The following TP63 variants were observed in gnomAD, a reference collection of about 807,000 sequenced individuals.
TP63 encodes tumor protein p63, also known as tumor protein 63.
In TP63, 17 loss-of-function variants were observed where a neutral mutation model predicts 82.8. The ratio of observed to expected loss-of-function variants is 0.21; its 90% CI spans 0.14 to 0.31. The LOEUF (loss-of-function observed/expected upper bound fraction) is 0.31, where lower values mean the gene tolerates loss of function less well. Among genes scored for constraint, TP63 ranks in the 10% least tolerant of loss-of-function variants. TP63 has a pLI of 1.00. For synonymous variants in TP63, 330 were observed against 321.7 expected (o/e 1.03, Z -0.28); for missense variants, 648 against 895.3 (o/e 0.72, Z 3.52).
At chr3:189,722,876 A>G (rs1719498497) in intron 1 of TP63, among the ~76,000 whole-genome samples, 2 of 152,252 alleles carry the variant, frequency 1.3e-5, no homozygotes, top group African/African-American at 4.8e-5. Flanking sequence ...ATTTGAGGAC[A>G]GATATTTAGA....
In TP63 at chr3:189,725,517, T is replaced by C. The variant is rs116453185; in HGVS notation, c.63-12223T>C. Among the ~76,000 whole-genome samples the C allele has an allele frequency of 4.2e-3, 634 of 152,336 alleles. 3 individuals carry two copies. The highest frequency in any genetic ancestry group is 0.015 in the African/African-American group (617 of 41,578). On this transcript the variant is annotated intron_variant, in intron 1 of 13. Coordinates refer to ENST00000264731, the MANE Select transcript of TP63 (RefSeq NM_003722.5). ...TATCCCGTTGTGATAAAGTACATTT[T>C]AAAGACTCTGATTTAAGCTATTTTA... is the stretch of plus-strand genomic sequence containing the variant.
In TP63 at chr3:189,895,330, C is replaced by T. The variant is rs1054426135; in HGVS notation, c.*828C>T. ...GCCCATAGCAGCCAGTTCAAAAACA[C>T]CCGACGTCATGTATTTGAGCATATC... On this transcript the variant is annotated 3_prime_UTR_variant, in exon 14 of 14. Coordinates refer to ENST00000264731, the MANE Select transcript of TP63 (RefSeq NM_003722.5). 1.4e-5 allele frequency: 3 copies of T among 219,250 alleles called. No homozygotes were observed. The highest frequency in any genetic ancestry group is 6.7e-5 in the African/African-American group (3 of 44,554). 13.6% of individuals were successfully genotyped at this position (219,250 alleles called of 1,614,324 possible).
At chr3:189,756,091 A>G (rs182104874) in intron 3 of TP63, among the ~76,000 whole-genome samples, 1 of 152,180 alleles carries the variant, frequency 6.6e-6, no homozygotes, top group African/African-American at 2.4e-5. Flanking sequence ...AATCTTGAAC[A>G]TGGGAATGGA....
intron 4 of TP63, among the ~76,000 whole-genome samples, chr3:189,845,439 GTT>G (rs1362602437): frequency 6.6e-6 from 1 of 152,004 alleles, no homozygotes; most frequent in Non-Finnish European, 1.5e-5. Context: ...AAAACAAATT[GTT>G]TTGTTATATG....
intron 3 of TP63, among the ~76,000 whole-genome samples, chr3:189,761,351 A>G (rs1337081735): frequency 6.9e-6 from 1 of 143,896 alleles, no homozygotes; most frequent in African/African-American, 2.5e-5. Flanking sequence ...CTGATTAGAA[A>G]TTTCTTCCAC....
the TP63 span, among the ~76,000 whole-genome samples, chr3:189,611,911 T>G: frequency 6.6e-6 from 1 of 152,212 alleles, no homozygotes; most frequent in African/African-American, 2.4e-5. Flanking sequence ...ATTGCCTTTC[T>G]GATCTGGCTC....
intron 6 of TP63, among the ~76,000 whole-genome samples, chr3:189,867,580 G>A (rs985509309): frequency 6.6e-6 from 1 of 152,078 alleles, no homozygotes; most frequent in Non-Finnish European, 1.5e-5. Flanking sequence ...GCTTACAAAC[G>A]AACAGGATCA....
intron 1 of TP63, among the ~76,000 whole-genome samples, chr3:189,654,083 C>G (rs1005673924): frequency 2.6e-5 from 4 of 152,070 alleles, no homozygotes; most frequent in Non-Finnish European, 5.9e-5. Flanking sequence ...TACCTAGTCT[C>G]CCATTTATTT....
chr3:189,710,971 A>G (rs1180287127), intron 1 of TP63, among the ~76,000 whole-genome samples: 1 of 152,220 alleles, frequency 6.6e-6, no homozygotes, highest in Non-Finnish European at 1.5e-5. Context: ...TCTCTTCTCC[A>G]AAAACTATAA....
intron 4 of TP63, among the ~76,000 whole-genome samples, chr3:189,821,626 T>C (rs1389215484): frequency 6.6e-6 from 1 of 152,262 alleles, no homozygotes; most frequent in Non-Finnish European, 1.5e-5. Flanking sequence ...ACAGATTTTC[T>C]GTTTCTAATG....
intron 1 of TP63, among the ~76,000 whole-genome samples, chr3:189,668,030 C>T (rs756826820): frequency 1.3e-4 from 19 of 151,960 alleles, no homozygotes; most frequent in Admixed American, 1.2e-3. Context: ...CTTATTAAAG[C>T]GTAAAACTCA....
chr3:189,781,575 C>G (rs540600742), intron 3 of TP63, among the ~76,000 whole-genome samples: 1 of 150,706 alleles, frequency 6.6e-6, no homozygotes, highest in African/African-American at 2.5e-5. Flanking sequence ...AAAGTAAATA[C>G]ACCTCCTTTC....
intron 4 of TP63, among the ~76,000 whole-genome samples, chr3:189,819,203 G>A (rs973807262): frequency 1.3e-5 from 2 of 152,140 alleles, no homozygotes; most frequent in African/African-American, 2.4e-5. Context: ...ACTAAGACAC[G>A]TAAGATAGTA....
chr3:189,621,845 A>T, the TP63 span, among the ~76,000 whole-genome samples: 1 of 152,210 alleles, frequency 6.6e-6, no homozygotes, highest in East Asian at 1.9e-4. Context: ...ATTCAGATGG[A>T]TTAAATAAAT....
chr3:189,608,236 G>T, the TP63 span, among the ~76,000 whole-genome samples: 2 of 152,078 alleles, frequency 1.3e-5, no homozygotes, highest in African/African-American at 2.4e-5. Context: ...TTGGGGAGGG[G>T]TATTTATTTA....
Position 189,853,201 on chromosome 3 carries a change from G to T in TP63, c.580-11031G>T, listed in dbSNP as rs142892338. On this transcript the variant is annotated intron_variant, in intron 4 of 13. Transcript: ENST00000264731. ...GACTGGTCTTCCTGCTTCCGTCTTT[G>T]TTCCACAAAGTCTGTCCTTCACATA... Among the ~76,000 whole-genome samples the T allele has an allele frequency of 1.3e-3, 194 of 152,248 alleles. 4 individuals are homozygous for T. In the East Asian group the frequency reaches 0.032, roughly 25 times the overall value.
intron 3 of TP63, among the ~76,000 whole-genome samples, chr3:189,787,812 C>A (rs1724733945): frequency 6.6e-6 from 1 of 152,034 alleles, no homozygotes; most frequent in Admixed American, 6.6e-5. Flanking sequence ...AAGCGTGACT[C>A]ATCCAGAACC....
intron 3 of TP63, among the ~76,000 whole-genome samples, chr3:189,758,375 T>A (rs1722340182): frequency 6.6e-6 from 1 of 152,216 alleles, no homozygotes; most frequent in African/African-American, 2.4e-5. Flanking sequence ...CGGGGGCCCC[T>A]GGTCTCAAGT....
chr3:189,616,818 G>A, the TP63 span, among the ~76,000 whole-genome samples: 1 of 152,130 alleles, frequency 6.6e-6, no homozygotes, highest in Non-Finnish European at 1.5e-5. Context: ...TATTTTCTCT[G>A]CTGTAGATGG....
Sources: gnomAD v4.1 joint callset for allele counts (sites outside exome capture counted in the v4.1 genomes callset) on GRCh38, gnomAD v4.1.1 for gene constraint, MANE v1.5 for transcripts, NCBI Gene and HGNC (gene_info 2026-07-23, HGNC 2026-07-21) for gene names.